The following MYO5B variants were observed in gnomAD, a reference collection of about 807,000 sequenced individuals.
The protein encoded by MYO5B is myosin VB.
In MYO5B, 143 loss-of-function variants were observed where a neutral mutation model predicts 229.3. The observed-to-expected ratio is 0.62, with a 90% CI of 0.54 to 0.72. MYO5B has a LOEUF of 0.72. Ranked by LOEUF, MYO5B falls within the 30% of genes least tolerant of loss-of-function variation. MYO5B has a pLI of 0.00. For synonymous variants in MYO5B, 918 were observed against 885.2 expected, an observed-to-expected ratio of 1.04 and a Z score of -0.66; for missense variants, 2,321 against 2,331.0, an observed-to-expected ratio of 1.00 and a Z score of 0.09.
chr18:50,084,833 A>C (rs2031297088), intron 1 of MYO5B, among the ~76,000 whole-genome samples: 1 of 152,204 alleles, frequency 6.6e-6, no homozygotes, highest in South Asian at 2.1e-4. Context: ...CTATTTAATA[A>C]ATGGTGCTGG....
rs187338724 is a variant in MYO5B at position 49,937,425 on chromosome 18, A to G, written c.1753-28T>C. Reference sequence around the variant, plus strand: ...AGAAACAATCACAGGAAGAATGATGAAAGTGACATCTCCTGCACCTTACAT... The same window carrying G: ...AGAAACAATCACAGGAAGAATGATGGAAGTGACATCTCCTGCACCTTACAT... On this transcript the variant is annotated intron_variant, in intron 14 of 39. Coordinates refer to ENST00000285039, the MANE Select transcript of MYO5B (RefSeq NM_001080467.3). 8.0e-4 allele frequency: 1,293 copies of G among 1,611,958 alleles called. 4 individuals carry two copies. The highest frequency in any genetic ancestry group is 1.3e-3 in the Middle Eastern group (8 of 6,058).
chr18:49,839,978 T>G (rs2024037501), intron 35 of MYO5B: 1 of 153,632 alleles, frequency 6.5e-6, no homozygotes, highest in African/African-American at 2.4e-5. Flanking sequence ...TGTTGTACTG[T>G]GTCAAATACA....
chr18:50,120,143 G>A (rs1404576320), intron 1 of MYO5B, among the ~76,000 whole-genome samples: 1 of 152,224 alleles, frequency 6.6e-6, no homozygotes, highest in Non-Finnish European at 1.5e-5. Flanking sequence ...ATAGACAGAA[G>A]GAACAAAGAC....
chr18:49,846,894 C>T (rs12455305), intron 33 of MYO5B, among the ~76,000 whole-genome samples: 6 of 151,394 alleles, frequency 4.0e-5, no homozygotes, highest in South Asian at 2.1e-4. Context: ...CCACTTCCAT[C>T]GTATGGGCAG....
At chr18:49,945,217 C>T (rs955453807) in intron 14 of MYO5B, among the ~76,000 whole-genome samples, 2 of 152,148 alleles carry the variant, frequency 1.3e-5, no homozygotes, top group East Asian at 1.9e-4. Context: ...GCCATGGCTC[C>T]AACCATCCCT....
At chr18:50,015,827 AG>A (rs1402307990) in intron 4 of MYO5B, among the ~76,000 whole-genome samples, 3 of 152,216 alleles carry the variant, frequency 2.0e-5, no homozygotes, top group Non-Finnish European at 4.4e-5. Context: ...CCTGCCTGTT[AG>A]GAGCTCTCTG....
At chr18:49,909,925 T>TCTCC (rs1464772889) in intron 18 of MYO5B, among the ~76,000 whole-genome samples, 12 of 152,206 alleles carry the variant, frequency 7.9e-5, no homozygotes, top group African/African-American at 2.9e-4. Flanking sequence ...CCCCTGCGTA[T>TCTCC]TAGGCTCAGC....
At chr18:49,859,119 A>G (rs1379124584) in intron 29 of MYO5B, among the ~76,000 whole-genome samples, 1 of 152,200 alleles carries the variant, frequency 6.6e-6, no homozygotes, top group East Asian at 1.9e-4. Flanking sequence ...AACTGGCTGG[A>G]GAACCTAGCA....
At chr18:49,975,803 C>A (rs1330484864) in intron 9 of MYO5B, among the ~76,000 whole-genome samples, 1 of 152,166 alleles carries the variant, frequency 6.6e-6, no homozygotes, top group Non-Finnish European at 1.5e-5. Context: ...CAGCACAAGG[C>A]TTCTACCACG....
Position 49,872,235 on chromosome 18 carries a change from G to C in MYO5B, c.3538-3C>G, listed in dbSNP as rs371606093. ...ATGTCAGTCTGTGGTGGTTCCGCCT[G>C]CATGGATAGAGACACAAAGATAAGT... On this transcript the variant is annotated splice_polypyrimidine_tract_variant and splice_region_variant and intron_variant, in intron 26 of 39. Transcript: ENST00000285039. 5 of 1,613,860 alleles carry C rather than the reference G, an allele frequency of 3.1e-6. No individual in the cohort carries two copies. Among genetic ancestry groups the C allele is most frequent in the Non-Finnish European group, 3.4e-6 (4 of 1,179,864 alleles).
At chr18:49,908,774 A>G (rs1224808157) in intron 18 of MYO5B, among the ~76,000 whole-genome samples, 1 of 152,132 alleles carries the variant, frequency 6.6e-6, no homozygotes, top group Non-Finnish European at 1.5e-5. Context: ...CATGTAATGC[A>G]CTCTTTTTAT....
chr18:49,848,095 G>A (rs970155565), intron 32 of MYO5B, among the ~76,000 whole-genome samples: 5 of 152,220 alleles, frequency 3.3e-5, no homozygotes, highest in Admixed American at 6.5e-5. Flanking sequence ...GACTGCACAC[G>A]GGACGCTGTC....
chr18:49,896,200 G>A (rs2024777179), intron 21 of MYO5B, among the ~76,000 whole-genome samples: 1 of 152,148 alleles, frequency 6.6e-6, no homozygotes, highest in African/African-American at 2.4e-5. Context: ...GTGGGGCCTT[G>A]TGGTTGTGAC....
chr18:50,157,345 A>G (rs138569798), intron 1 of MYO5B, among the ~76,000 whole-genome samples: 5 of 152,020 alleles, frequency 3.3e-5, no homozygotes, highest in Non-Finnish European at 4.4e-5. Flanking sequence ...ACCTCAGGTG[A>G]TTCATCTACC....
Position 49,936,289 on chromosome 18 carries a change from G to T in MYO5B, c.1966C>A (p.Arg656Ser), listed in dbSNP as rs121908105. Residue 656 changes from arginine to serine, a missense_variant, in exon 16 of 40, where the codon CGC (arginine) becomes AGC (serine). Coordinates refer to ENST00000285039, the MANE Select transcript of MYO5B (RefSeq NM_001080467.3). The stretch of plus-strand genomic sequence containing the variant: ...TTCTCATCGTTGGGCTTGATGCAGC[G>T]GACATAGTGAGGTGTCGTGGCATTC... Reference protein sequence around the residue: ...TLNATTPHYVRCIKPNDEKLP... With the variant: ...TLNATTPHYVSCIKPNDEKLP... The T allele has an allele frequency of 1.0e-5, 16 of 1,603,906 alleles. No individual in the cohort carries two copies. The highest frequency in any genetic ancestry group is 4.5e-5 in the East Asian group (2 of 44,672).
chr18:49,928,268 T>C (rs2025151698), intron 17 of MYO5B, among the ~76,000 whole-genome samples: 1 of 152,314 alleles, frequency 6.6e-6, no homozygotes, highest in African/African-American at 2.4e-5. Context: ...AAAGGGAATG[T>C]TTTTACACTG....
At chr18:49,859,789 C>T (rs1165330749) in intron 29 of MYO5B, among the ~76,000 whole-genome samples, 1 of 152,194 alleles carries the variant, frequency 6.6e-6, no homozygotes, top group Non-Finnish European at 1.5e-5. Context: ...CTGGTTAAAG[C>T]TGGGCCCTCT....
intron 1 of MYO5B, among the ~76,000 whole-genome samples, chr18:50,157,550 T>C (rs1568127861): frequency 2.0e-5 from 3 of 152,214 alleles, no homozygotes; most frequent in Admixed American, 6.5e-5. Context: ...GCCTTTGCAT[T>C]GGCTTTTCTC....
intron 9 of MYO5B, among the ~76,000 whole-genome samples, chr18:49,976,431 G>A (rs2025750991): frequency 6.6e-6 from 1 of 152,168 alleles, no homozygotes; most frequent in African/African-American, 2.4e-5. Context: ...TGGAACAGTA[G>A]TTGCAAAGAA....
Sources: allele counts gnomAD v4.1 joint callset (sites outside exome capture counted in the v4.1 genomes callset), GRCh38; gene constraint gnomAD v4.1.1; transcripts MANE v1.5; gene names NCBI Gene and HGNC (gene_info 2026-07-23, HGNC 2026-07-21).